The following IDH2 variants were observed in gnomAD, a reference collection of about 807,000 sequenced individuals.
IDH2 encodes isocitrate dehydrogenase (NADP(+)) 2, also known as isocitrate dehydrogenase [NADP], mitochondrial.
A neutral mutation model predicts 50.5 loss-of-function variants in IDH2; 18 were observed. That is an observed-to-expected ratio of 0.36 (90% confidence interval 0.25 to 0.53). The LOEUF (loss-of-function observed/expected upper bound fraction) is 0.53, where lower values mean the gene tolerates loss of function less well. Among genes scored for constraint, IDH2 ranks in the 20% least tolerant of loss-of-function variants. The pLI is 0.92. For synonymous variants in IDH2, 280 were observed against 239.8 expected, an observed-to-expected ratio of 1.17 and a Z score of -1.55; for missense variants, 518 against 610.7, an observed-to-expected ratio of 0.85 and a Z score of 1.60.
chr15:90,085,005 T>A lies in IDH2; in HGVS notation c.1174A>T (p.Ile392Phe), dbSNP rs1900819578. 6.2e-7 allele frequency: 1 copy of A among 1,613,716 alleles called. No individual in the cohort carries two copies. Among genetic ancestry groups the A allele is most frequent in the East Asian group, 2.2e-5 (1 of 44,894 alleles). Reference protein sequence around the residue: ...RGKLDGNQDLIRFAQMLEKVC... With the variant: ...RGKLDGNQDLFRFAQMLEKVC... The stretch of plus-strand genomic sequence containing the variant: ...GGCCTCTCCCTCCATGCTCACCTGA[T>A]GAGGTCTTGGTTCCCATCCAGCTTC... The change falls in exon 9 of 11, where the codon ATC becomes TTC. Residue 392 changes from isoleucine to phenylalanine, a missense_variant. Ile to Phe is a conservative substitution (Grantham distance 21). This residue lies in a region of IDH2 where 135 missense variants were observed against 167.6 expected (regional missense o/e 0.81). Transcript: ENST00000330062. This position sits in a 1 kb window ranked among gnomAD's most constrained non-coding sequence, Gnocchi z 5.5.
At chr15:90,090,286 C>G (rs1439202675) in intron 3 of IDH2, among the ~76,000 whole-genome samples, 193 bp downstream of exon 3, 3 of 152,192 alleles carry the variant, frequency 2.0e-5, no homozygotes, top group Admixed American at 2.0e-4. Flanking sequence ...TCTGAGGCCC[C>G]ACTGTCCACC....
intron 1 of IDH2, among the ~76,000 whole-genome samples, chr15:90,093,469 G>A (rs1392546738): frequency 6.6e-6 from 1 of 152,176 alleles, no homozygotes; most frequent in African/African-American, 2.4e-5. Context: ...CTAACTTGTG[G>A]TGATAAAGGA....
intron 7 of IDH2, 95 bp downstream of exon 7, chr15:90,087,017 C>A: frequency 7.3e-7 from 1 of 1,369,050 alleles, no homozygotes; most frequent in East Asian, 2.3e-5. Context: ...GAGTCCTGCT[C>A]CACTAGAGTT....
intron 1 of IDH2, 112 bp downstream of exon 1, chr15:90,102,164 C>T (rs1901350957): frequency 5.1e-6 from 2 of 395,248 alleles, no homozygotes; most frequent in African/African-American, 2.1e-5. Context: ...CGCCTGACCC[C>T]GCCGTCCCCG....
chr15:90,090,362 C>T, intron 3 of IDH2, 117 bp downstream of exon 3: 1 of 1,159,912 alleles, frequency 8.6e-7, no homozygotes, highest in South Asian at 1.3e-5. Context: ...TCTGGAGCCT[C>T]CCAACCTCCC....
chr15:90,087,439 T>G lies in IDH2; in HGVS notation c.815A>C (p.Lys272Thr). 6.2e-7 allele frequency: 1 copy of G among 1,614,122 alleles called. No homozygotes were observed. Among genetic ancestry groups the G allele is most frequent in the Non-Finnish European group, 8.5e-7 (1 of 1,179,986 alleles). The change falls in exon 6 of 11, where the codon AAG becomes ACG. Residue 272 changes from lysine to threonine, a missense_variant and splice_region_variant. Around this residue, in one of 5 missense-constraint regions of IDH2, gnomAD observed 207 missense variants for 208.6 expected, o/e 0.99. Transcript: ENST00000330062. ...ACAGAGTACATGGATGAGGCTTTAC[T>G]TGTCAAAGATCTCCTGGAAGATGTC... ...FKDIFQEIFD[K>T]HYKTDFDKNK...
chr15:90,092,609 A>G (rs1271600720), intron 1 of IDH2, among the ~76,000 whole-genome samples: 1 of 149,386 alleles, frequency 6.7e-6, no homozygotes, highest in Non-Finnish European at 1.5e-5. Context: ...AAGTTTCGCT[A>G]TTGTCCCCCA....
In IDH2 at chr15:90,087,627, C is replaced by T. The variant is rs147978726; in HGVS notation, c.679-52G>A. The T allele has an allele frequency of 2.0e-3, 3,162 of 1,609,134 alleles. 56 individuals carry two copies. The African/African-American group carries it at 0.038, about 19-fold the overall frequency. On this transcript the variant is annotated intron_variant, in intron 5 of 10. Coordinates refer to ENST00000330062, the MANE Select transcript of IDH2 (RefSeq NM_002168.4). ...CGTGGTGCCCTAGCCTGGCGATTGC[C>T]GGCAACCTCCCACCTCCCAGGGCAA...
Position 90,087,540 on chromosome 15 carries a change from A to G in IDH2, c.714T>C (p.Tyr238=), listed in dbSNP as rs1596073616. ...ISGFAHSCFQ[Y]AIQKKWPLYM... ...ACAGCGGCCATTTCTTCTGGATGGC[A>G]TACTGGAAGCAGCTGTGCGCAAAAC... Residue 238 remains tyrosine (Y), a synonymous_variant, in exon 6 of 11, where the codon TAT becomes TAC. Transcript: ENST00000330062. 1 of 1,613,946 alleles carries G rather than the reference A, an allele frequency of 6.2e-7. No individual in the cohort carries two copies. The highest frequency in any genetic ancestry group is 8.5e-7 in the Non-Finnish European group (1 of 1,180,026).
At position 90,102,299 on chromosome 15, in the gene IDH2, G is replaced by C; in HGVS notation, c.92C>G (p.Ser31Trp). ...WAPAALTAPTSQEQPRRHYAD... is the reference protein window; with the variant it reads ...WAPAALTAPTWQEQPRRHYAD... ...ACAGTGGCGCCGCGGCTGCTCTTGC[G>C]AGGTGGGGGCTGTCAGGGCCGCCGG... The change falls in exon 1 of 11, where the codon TCG becomes TGG. Residue 31 changes from serine to tryptophan, a missense_variant. By Grantham distance (177) the Ser-to-Trp change is radical. Coordinates refer to ENST00000330062, the MANE Select transcript of IDH2 (RefSeq NM_002168.4). 7.5e-7 allele frequency: 1 copy of C among 1,339,564 alleles called. No homozygotes were observed. The highest frequency in any genetic ancestry group is 9.7e-7 in the Non-Finnish European group (1 of 1,034,966). 83.0% of individuals were successfully genotyped at this position (1,339,564 alleles called of 1,614,324 possible).
Position 90,100,618 on chromosome 15 carries a change from A to G in IDH2, c.115+1658T>C. On this transcript the variant is annotated intron_variant, in intron 1 of 10. Transcript: ENST00000330062. This position sits in a 1 kb window ranked among gnomAD's most constrained non-coding sequence, Gnocchi z 4.1. ...GTCGCTGGAAGCCTATGGCGTTGCA[A>G]AATAGGAAAAGATGCGTGCAGGAAT... 17 of 985,366 alleles carry G rather than the reference A, an allele frequency of 1.7e-5. No homozygotes were observed. The highest frequency in any genetic ancestry group is 2.0e-5 in the Non-Finnish European group (17 of 829,864). 61.0% of individuals were successfully genotyped at this position (985,366 alleles called of 1,614,324 possible).
At chr15:90,088,797 C>T (rs748512815) in intron 3 of IDH2, 50 bp from the exon 4 acceptor site, 2 of 1,607,336 alleles carry the variant, frequency 1.2e-6, no homozygotes, top group South Asian at 2.2e-5. Flanking sequence ...CATCTTTCAA[C>T]CAGAATTTGA....
At chr15:90,090,861 G>T (rs1430532162) in intron 2 of IDH2, among the ~76,000 whole-genome samples, 1 of 152,200 alleles carries the variant, frequency 6.6e-6, no homozygotes, top group Non-Finnish European at 1.5e-5. Flanking sequence ...GAGAGAGGTT[G>T]GCAGGCCAGG....
chr15:90,087,747 C>T lies in IDH2; in HGVS notation c.679-172G>A, dbSNP rs1325391141. 2.6e-5 allele frequency among the ~76,000 whole-genome samples: 4 copies of T among 151,496 alleles called. No homozygotes were observed. In the South Asian group the frequency reaches 8.3e-4, roughly 32 times the overall value. ...CACGATGTTTCTGCTGGCCCAGCCT[C>T]TCCCTCTCAACTTTGCTTTGTAAAA... On this transcript the variant is annotated intron_variant, in intron 5 of 10. Coordinates refer to ENST00000330062, the MANE Select transcript of IDH2 (RefSeq NM_002168.4).
Position 90,093,291 on chromosome 15 carries a change from G to A in IDH2, c.116-1647C>T, listed in dbSNP as rs374819286. Among the ~76,000 whole-genome samples, 88 of 152,358 alleles carry A rather than the reference G, an allele frequency of 5.8e-4. 2 individuals carry two copies. The South Asian group carries it at 0.018, about 30-fold the overall frequency. ...CAATCCTTGCACCTCAGCCTCCTTA[G>A]TAGCTGGGGCTACAGGCCCATGCCA... On this transcript the variant is annotated intron_variant, in intron 1 of 10. Coordinates refer to ENST00000330062, the MANE Select transcript of IDH2 (RefSeq NM_002168.4).
intron 1 of IDH2, among the ~76,000 whole-genome samples, chr15:90,095,070 T>G (rs1184287885): frequency 6.7e-6 from 1 of 149,536 alleles, no homozygotes; most frequent in Non-Finnish European, 1.5e-5. Flanking sequence ...AAGAGTTTGT[T>G]TTTTTTTTTT....
chr15:90,088,905 A>G (rs1440142141), intron 3 of IDH2, among the ~76,000 whole-genome samples, 158 bp from the exon 4 acceptor site: 1 of 132,406 alleles, frequency 7.6e-6, no homozygotes, highest in African/African-American at 2.7e-5. Flanking sequence ...GGAGTCTGCC[A>G]ATTTTTTTTT....
intron 7 of IDH2, among the ~76,000 whole-genome samples, chr15:90,086,340 T>A (rs551841708): frequency 6.6e-6 from 1 of 152,344 alleles, no homozygotes; most frequent in South Asian, 2.1e-4. Context: ...CCCAACACAA[T>A]TGGCCCATTT....
chr15:90,087,192 T>G lies in IDH2; in HGVS notation c.887A>C (p.Gln296Pro). The G allele has an allele frequency of 1.2e-6, 2 of 1,614,140 alleles. No homozygotes were observed. Among genetic ancestry groups the G allele is most frequent in the Non-Finnish European group, 1.7e-6 (2 of 1,179,990 alleles). Reference protein sequence around the residue: ...EHRLIDDMVAQVLKSSGGFVW... With the variant: ...EHRLIDDMVAPVLKSSGGFVW... ...AAAGCCACCCGAAGACTTGAGGACC[T>G]GAGCCACCATGTCATCAATGAGCCG... The change falls in exon 7 of 11, where the codon CAG becomes CCG. Residue 296 changes from glutamine (Q) to proline (P), a missense_variant. Gln to Pro is a moderately conservative substitution (Grantham distance 76). Transcript: ENST00000330062.
Sources: gnomAD v4.1 joint callset for allele counts (sites outside exome capture counted in the v4.1 genomes callset) on GRCh38, gnomAD v4.1.1 for gene constraint, gnomAD v4.1.1 regional missense constraint, Gnocchi (gnomAD v3.1) non-coding constraint, MANE v1.5 for transcripts, NCBI Gene and HGNC (gene_info 2026-07-23, HGNC 2026-07-21) for gene names.